The following NBR1 variants were observed in gnomAD, a reference collection of about 807,000 sequenced individuals.
NBR1 encodes the protein next to BRCA1 gene 1 protein.
A neutral mutation model predicts 115.5 loss-of-function variants in NBR1; 59 were observed. That is an observed-to-expected ratio of 0.51 (90% CI 0.41 to 0.63). NBR1 has a LOEUF of 0.63. Ranked by LOEUF, NBR1 falls within the 30% of genes least tolerant of loss-of-function variation. The pLI is 0.00. For synonymous variants in NBR1, 373 were observed against 414.7 expected, an observed-to-expected ratio of 0.90 and a Z score of 1.22; for missense variants, 1,043 against 1,150.5, an observed-to-expected ratio of 0.91 and a Z score of 1.35.
At chr17:43,178,566 G>A (rs1440080569) in intron 3 of NBR1, among the ~76,000 whole-genome samples, 2 of 149,062 alleles carry the variant, frequency 1.3e-5, no homozygotes, top group South Asian at 2.1e-4. Flanking sequence ...TAGTAGAGAC[G>A]GTATTTCACC....
At chr17:43,197,694 G>A (rs2057101752) in intron 16 of NBR1, among the ~76,000 whole-genome samples, 1 of 152,102 alleles carries the variant, frequency 6.6e-6, no homozygotes, top group Admixed American at 6.6e-5. Flanking sequence ...TGTGCTGCCT[G>A]GATTCTGCAG....
chr17:43,177,954 C>T lies in NBR1; in HGVS notation c.121C>T (p.Leu41=). Residue 41 remains leucine, a synonymous_variant, in exon 3 of 21, where the codon CTG becomes TTG. Coordinates refer to ENST00000590996, the MANE Select transcript of NBR1 (RefSeq NM_005899.5). The part of the protein sequence containing the change: ...IEAMVKVSFD[L]NTIQIKYLDE... Reference sequence around the variant, plus strand: ...TTTATAGGTAAAAGTTTCATTTGATCTGAATACTATTCAAATAAAATACCT... The same window carrying T: ...TTTATAGGTAAAAGTTTCATTTGATTTGAATACTATTCAAATAAAATACCT... The T allele has an allele frequency of 6.4e-7, 1 of 1,550,690 alleles. No individual in the cohort carries two copies. Among genetic ancestry groups the T allele is most frequent in the South Asian group, 1.1e-5 (1 of 88,376 alleles).
At chr17:43,202,824 G>A (rs190298032) in intron 19 of NBR1, 112 bp downstream of exon 19, 21 of 822,642 alleles carry the variant, frequency 2.6e-5, no homozygotes, top group Middle Eastern at 2.2e-4. Context: ...CAGAGAAGGG[G>A]AGCCTTTGTT....
At chr17:43,206,428 C>T (rs1255677744) in intron 20 of NBR1, among the ~76,000 whole-genome samples, 41 of 151,014 alleles carry the variant, frequency 2.7e-4, no homozygotes, top group Non-Finnish European at 5.2e-4. Flanking sequence ...GAGGCCGAGG[C>T]GGGCAGATCA....
intron 4 of NBR1, among the ~76,000 whole-genome samples, chr17:43,179,860 CTTAAT>C (rs1375993896): frequency 2.0e-5 from 3 of 152,034 alleles, no homozygotes; most frequent in African/African-American, 7.2e-5. Flanking sequence ...CCCCTAAAAT[CTTAAT>C]TTAATCAGGT....
intron 4 of NBR1, 102 bp from the exon 5 acceptor site, chr17:43,180,693 A>T (rs1458155312): frequency 3.3e-6 from 4 of 1,220,520 alleles, no homozygotes; most frequent in Non-Finnish European, 4.2e-6. Context: ...TTGGTTCTTG[A>T]ATGAATGAAT....
At position 43,210,174 on chromosome 17, in the gene NBR1, G is replaced by T. The variant is rs1035089273; in HGVS notation, c.*100G>T. 1.5e-5 allele frequency: 18 copies of T among 1,209,788 alleles called. No individual in the cohort carries two copies. Among genetic ancestry groups the T allele is most frequent in the East Asian group, 2.4e-5 (1 of 40,932 alleles). The allele number at this position is 1,209,788 out of a possible 1,614,324, so 74.9% of individuals were successfully genotyped here. A position where few individuals can be genotyped will look rare whatever the true frequency, so the allele number is the denominator to read the frequency against. ...AGCCCTTGCTTATTTTTAATCTGAT[G>T]AATCTGTATAGAGCCCATCGTTGAG... On this transcript the variant is annotated 3_prime_UTR_variant, in exon 21 of 21. Transcript: ENST00000590996.
chr17:43,202,793 T>C, intron 19 of NBR1, 81 bp downstream of exon 19: 1 of 1,092,384 alleles, frequency 9.2e-7, no homozygotes, highest in Non-Finnish European at 1.4e-6. Flanking sequence ...CCTCTCACAG[T>C]ATGTACCCAT....
intron 15 of NBR1, 150 bp from the exon 16 acceptor site, chr17:43,196,792 G>A (rs1220902142): frequency 4.4e-6 from 4 of 915,920 alleles, no homozygotes; most frequent in Middle Eastern, 2.5e-4. Context: ...GGTAATGACT[G>A]GTGAATGTTC....
intron 16 of NBR1, among the ~76,000 whole-genome samples, chr17:43,199,280 G>T (rs921821148): frequency 1.3e-5 from 2 of 151,236 alleles, no homozygotes; most frequent in African/African-American, 2.4e-5. Flanking sequence ...TCGCCACGTT[G>T]CCCAGGCTGG....
chr17:43,202,068 T>C (rs1321076261), intron 18 of NBR1, among the ~76,000 whole-genome samples: 2 of 150,980 alleles, frequency 1.3e-5, no homozygotes, highest in Non-Finnish European at 1.5e-5. Context: ...TAATCCCAGC[T>C]ACTTGGGAGG....
At position 43,210,264 on chromosome 17, in the gene NBR1, A is replaced by G. The variant is rs1281571119; in HGVS notation, c.*190A>G. The G allele has an allele frequency of 4.6e-6, 2 of 437,348 alleles. No homozygotes were observed. Among genetic ancestry groups the G allele is most frequent in the Non-Finnish European group, 7.8e-6 (2 of 257,884 alleles). The allele number at this position is 437,348 out of a possible 1,614,324, so 27.1% of individuals were successfully genotyped here. On this transcript the variant is annotated 3_prime_UTR_variant, in exon 21 of 21. Coordinates refer to ENST00000590996, the MANE Select transcript of NBR1 (RefSeq NM_005899.5). ...ACTAAAGACCAGAACTTAAATTTTCACTTTAGACATTGGATGAATAGTATG... is the reference window on the plus strand; with the variant it reads ...ACTAAAGACCAGAACTTAAATTTTCGCTTTAGACATTGGATGAATAGTATG...
At chr17:43,176,917 AG>A (rs1391521624) in intron 2 of NBR1, among the ~76,000 whole-genome samples, 1 of 152,066 alleles carries the variant, frequency 6.6e-6, no homozygotes, top group African/African-American at 2.4e-5. Flanking sequence ...CAATGTTAAC[AG>A]CCCTGTATGT....
chr17:43,173,210 C>T (rs2056420629), intron 1 of NBR1, among the ~76,000 whole-genome samples: 1 of 152,104 alleles, frequency 6.6e-6, no homozygotes, highest in Non-Finnish European at 1.5e-5. Context: ...GTCTTGAACT[C>T]CTAGGCTCAT....
At chr17:43,182,694 T>A (rs992977400) in intron 5 of NBR1, among the ~76,000 whole-genome samples, 2 of 151,872 alleles carry the variant, frequency 1.3e-5, no homozygotes, top group African/African-American at 2.4e-5. Context: ...ATGTATACAT[T>A]GTGAAATGAT....
rs1269535214 is a variant in NBR1, at chr17:43,196,538, G to T, written c.1808G>T (p.Gly603Val). 1 of 1,606,892 alleles carries T rather than the reference G, an allele frequency of 6.2e-7. No homozygotes were observed. Among genetic ancestry groups the T allele is most frequent in the Admixed American group, 1.7e-5 (1 of 57,968 alleles). Residue 603 changes from glycine (G) to valine (V), a missense_variant, in exon 15 of 21, where the codon GGC becomes GTC. Physicochemically the swap from Gly to Val is moderately radical, Grantham distance 109. Coordinates refer to ENST00000590996, the MANE Select transcript of NBR1 (RefSeq NM_005899.5). ...PHDSPLIEKP[G>V]LGQIEEENEG... is the part of the protein sequence containing the mutation. Reference sequence around the variant, plus strand: ...GACAGTCCTTTAATAGAGAAGCCAGGCTTGGGGCAGATAGAGGAAGAGAAT... The same window carrying T: ...GACAGTCCTTTAATAGAGAAGCCAGTCTTGGGGCAGATAGAGGAAGAGAAT...
At chr17:43,201,503 TAAA>T (rs2154582370) in intron 17 of NBR1, among the ~76,000 whole-genome samples, 180 bp from the exon 18 acceptor site, 1 of 152,330 alleles carries the variant, frequency 6.6e-6, no homozygotes, top group African/African-American at 2.4e-5. Context: ...TGCCTGTGGC[TAAA>T]GAGGAAAATG....
rs2057413131 is a variant in NBR1 at position 43,211,397 on chromosome 17, T to A, written c.*1323T>A. 2 of 152,672 alleles carry A rather than the reference T, an allele frequency of 1.3e-5. No homozygotes were observed. The highest frequency in any genetic ancestry group is 4.8e-5 in the African/African-American group (2 of 41,464). The allele number at this position is 152,672 out of a possible 1,614,324, so 9.5% of individuals were successfully genotyped here. On this transcript the variant is annotated 3_prime_UTR_variant, in exon 21 of 21. Coordinates refer to ENST00000590996, the MANE Select transcript of NBR1 (RefSeq NM_005899.5). ...TGTAATGAATGGTGATTTTAATTAG[T>A]CATTAGCCATAATGATGTTTATTTA...
chr17:43,175,416 T>C (rs1236287090), intron 1 of NBR1, among the ~76,000 whole-genome samples: 1 of 152,228 alleles, frequency 6.6e-6, no homozygotes, highest in Non-Finnish European at 1.5e-5. Flanking sequence ...CATCATAAAG[T>C]ACCGTAAGGA....
Sources: allele counts gnomAD v4.1 joint callset (sites outside exome capture counted in the v4.1 genomes callset), GRCh38; gene constraint gnomAD v4.1.1; transcripts MANE v1.5; gene names NCBI Gene and HGNC (gene_info 2026-07-23, HGNC 2026-07-21).